Variants in TAB2 observed in about 807,000 individuals in gnomAD.
TAB2 encodes TGF-beta activated kinase 1 (MAP3K7) binding protein 2, also known as TGF-beta-activated kinase 1 and MAP3K7-binding protein 2.
TAB2 carries 3 observed loss-of-function variants against 65.0 expected under a neutral mutation model. The observed-to-expected ratio is 0.05, with a 90% CI of 0.02 to 0.12. The LOEUF (loss-of-function observed/expected upper bound fraction) is 0.12. Among genes scored for constraint, TAB2 ranks in the 10% least tolerant of loss-of-function variants. The probability of loss-of-function intolerance (pLI) is 1.00; values close to 1 mark genes in which losing one functional copy is unlikely to be tolerated. For missense variants in TAB2, 623 were observed against 840.3 expected (o/e 0.74, Z 3.20); for synonymous variants, 298 against 285.1 (o/e 1.05, Z -0.46).
chr6:149,273,308 T>G (rs1406683290), intron 1 of TAB2, among the ~76,000 whole-genome samples: 1 of 152,072 alleles, frequency 6.6e-6, no homozygotes, highest in East Asian at 1.9e-4. Flanking sequence ...AAAAAGAAGA[T>G]GGAGGGAAAT....
intron 1 of TAB2, among the ~76,000 whole-genome samples, chr6:149,298,357 T>A (rs890499502): frequency 1.3e-5 from 2 of 152,212 alleles, no homozygotes; most frequent in African/African-American, 4.8e-5. Flanking sequence ...GCCCAGCCCA[T>A]GGCTCAGCCA....
chr6:149,309,653 T>C (rs1583077313), intron 1 of TAB2, among the ~76,000 whole-genome samples: 1 of 152,022 alleles, frequency 6.6e-6, no homozygotes, highest in South Asian at 2.1e-4. Flanking sequence ...CACCTTGGCC[T>C]CCCAAAGTGC....
At chr6:149,348,236 A>G (rs543162096) in intron 1 of TAB2, among the ~76,000 whole-genome samples, 83 of 152,208 alleles carry the variant, frequency 5.5e-4, no homozygotes, top group Non-Finnish European at 9.3e-4. Context: ...AAAAAATACA[A>G]TAATTAGCCA....
At chr6:149,405,147 A>G (rs1782620431) in intron 6 of TAB2, among the ~76,000 whole-genome samples, 3 of 152,264 alleles carry the variant, frequency 2.0e-5, no homozygotes, top group African/African-American at 2.4e-5. Flanking sequence ...CAGATAGCCA[A>G]CAGGTATATT....
At chr6:149,277,272 T>C (rs1243743275) in intron 1 of TAB2, among the ~76,000 whole-genome samples, 1 of 152,152 alleles carries the variant, frequency 6.6e-6, no homozygotes, top group Non-Finnish European at 1.5e-5. Flanking sequence ...TAGCAAAAGA[T>C]TGAAAATGTC....
At chr6:149,383,888 A>G (rs1781701971) in intron 3 of TAB2, among the ~76,000 whole-genome samples, 1 of 152,084 alleles carries the variant, frequency 6.6e-6, no homozygotes, top group African/African-American at 2.4e-5. Flanking sequence ...TAGCTCAGTG[A>G]CACAATCTTG....
At chr6:149,308,301 C>G (rs971608217) in intron 1 of TAB2, among the ~76,000 whole-genome samples, 4 of 152,150 alleles carry the variant, frequency 2.6e-5, no homozygotes, top group African/African-American at 9.7e-5. Flanking sequence ...GAAGCGTACA[C>G]TGATTATACT....
intron 1 of TAB2, among the ~76,000 whole-genome samples, chr6:149,326,389 T>C (rs562428): frequency 0.37 from 55,861 of 151,952 alleles, 10,508 homozygotes; most frequent in East Asian, 0.6. Context: ...GTAATAAATA[T>C]GCTTTAATCT....
chr6:149,380,008 G>A, intron 3 of TAB2: 1 of 448,706 alleles, frequency 2.2e-6, no homozygotes, highest in South Asian at 1.6e-5. Flanking sequence ...GGGAGGCCAA[G>A]ATGGGAGGAT....
intron 1 of TAB2, among the ~76,000 whole-genome samples, chr6:149,256,202 T>A (rs1013189073): frequency 6.6e-6 from 1 of 152,174 alleles, no homozygotes; most frequent in Admixed American, 6.5e-5. Context: ...AAAATGACAA[T>A]ACAATAATTC....
At chr6:149,232,258 C>G (rs1249827361) in intron 1 of TAB2, among the ~76,000 whole-genome samples, 1 of 152,010 alleles carries the variant, frequency 6.6e-6, no homozygotes, top group Admixed American at 6.5e-5. Context: ...GACGGACTCT[C>G]GCTCTGTCGC....
At chr6:149,403,321 CATATAT>C (rs1252306211) in intron 6 of TAB2, among the ~76,000 whole-genome samples, 1 of 65,664 alleles carries the variant, frequency 1.5e-5, no homozygotes, top group African/African-American at 5.8e-5. Flanking sequence ...TATACACACA[CATATAT>C]ATACATATAT....
At chr6:149,290,495 G>A (rs1778756314) in intron 1 of TAB2, among the ~76,000 whole-genome samples, 1 of 152,106 alleles carries the variant, frequency 6.6e-6, no homozygotes, top group South Asian at 2.1e-4. Context: ...ACTCCACAAA[G>A]GCAGAAATCC....
chr6:149,367,924 A>C (rs999555675), intron 1 of TAB2, among the ~76,000 whole-genome samples: 2 of 152,168 alleles, frequency 1.3e-5, no homozygotes, highest in African/African-American at 4.8e-5. Flanking sequence ...GATACACAAA[A>C]GGAGATGTCA....
At chr6:149,343,314 C>CA (rs140639522) in intron 1 of TAB2, among the ~76,000 whole-genome samples, 6 of 151,446 alleles carry the variant, frequency 4.0e-5, no homozygotes, top group Non-Finnish European at 8.8e-5. Flanking sequence ...ACTAAAAATG[C>CA]AAAAAAATTA....
At chr6:149,286,730 C>T (rs1356904472) in intron 1 of TAB2, among the ~76,000 whole-genome samples, 6 of 152,126 alleles carry the variant, frequency 3.9e-5, no homozygotes, top group African/African-American at 1.2e-4. Context: ...TTTCAATATA[C>T]GTTGGCATAT....
At chr6:149,312,519 C>T (rs766657078) in intron 1 of TAB2, among the ~76,000 whole-genome samples, 15 of 152,144 alleles carry the variant, frequency 9.9e-5, no homozygotes, top group South Asian at 2.1e-4. Flanking sequence ...TGTGCCACCA[C>T]GCCCGACTAA....
chr6:149,370,849 T>TA (rs1781200496), intron 2 of TAB2, among the ~76,000 whole-genome samples: 1 of 151,904 alleles, frequency 6.6e-6, no homozygotes, highest in African/African-American at 2.4e-5. Flanking sequence ...GTGGATTGCT[T>TA]AAGGCCAGGA....
At chr6:149,386,248 A>G (rs77798726) in intron 3 of TAB2, among the ~76,000 whole-genome samples, 3 of 152,306 alleles carry the variant, frequency 2.0e-5, no homozygotes, top group East Asian at 1.9e-4. Context: ...ACGTAAATCT[A>G]TTATTCTTTA....
Sources: gnomAD v4.1 joint callset for allele counts (sites outside exome capture counted in the v4.1 genomes callset) on GRCh38, gnomAD v4.1.1 for gene constraint, MANE v1.5 for transcripts, NCBI Gene and HGNC (gene_info 2026-07-23, HGNC 2026-07-21) for gene names.